KCNAB2: variants seen among roughly 807,000 people sequenced by gnomAD.
KCNAB2 encodes the protein voltage-gated potassium channel subunit beta-2.
Under a neutral mutation model 63.6 loss-of-function variants are expected in KCNAB2, and 29 were observed. That is an observed-to-expected ratio of 0.46 (90% CI 0.34 to 0.62). The LOEUF (loss-of-function observed/expected upper bound fraction) is 0.62, where lower values mean the gene tolerates loss of function less well. Ranked by LOEUF, KCNAB2 falls within the 20% of genes least tolerant of loss-of-function variation. The pLI is 0.01. For missense variants in KCNAB2, 359 were observed against 563.9 expected, an observed-to-expected ratio of 0.64 and a Z score of 3.68; for synonymous variants, 222 against 224.2, an observed-to-expected ratio of 0.99 and a Z score of 0.09.
In KCNAB2 at chr1:6,099,965, C is replaced by T; in HGVS notation, c.*1391C>T. The T allele has an allele frequency of 6.5e-7, 1 of 1,549,868 alleles. No individual in the cohort carries two copies. The highest frequency in any genetic ancestry group is 1.2e-5 in the South Asian group (1 of 84,016). On this transcript the variant is annotated 3_prime_UTR_variant, in exon 16 of 16. Transcript: ENST00000378083. ...TGTCCCAAGCAGTACCCAGGCTTTG[C>T]AGACCACGCGGGGCAGGGCTCCACT...
rs563117758 is a variant in KCNAB2, at chr1:6,051,649, G to A, written c.113G>A (p.Arg38Gln). 87 of 1,534,212 alleles carry A rather than the reference G, an allele frequency of 5.7e-5. No individual in the cohort carries two copies. In the African/African-American group the frequency reaches 8.5e-4, roughly 15 times the overall value. The change falls in exon 2 of 16, where the codon CGG becomes CAG. Residue 38 changes from arginine to glutamine, a missense_variant. Physicochemically the swap from Arg to Gln is conservative, Grantham distance 43 (BLOSUM62 1). Coordinates refer to ENST00000378083, the MANE Select transcript of KCNAB2 (RefSeq NM_001199862.2). The part of the protein sequence containing the change: ...QTDTLELQRL[R>Q]EVRAAAQARN... ...GACACGCTGGAACTGCAGCGGCTGC[G>A]GGAGGTGCGGGCGGCTGCCCAGGCC... is the stretch of plus-strand genomic sequence containing the variant.
At chr1:6,025,491 C>A (rs999950941) in intron 1 of KCNAB2, among the ~76,000 whole-genome samples, 2 of 152,130 alleles carry the variant, frequency 1.3e-5, no homozygotes, top group African/African-American at 4.8e-5. Context: ...GAATGAGGGG[C>A]CTCCCCAAGA....
rs1219575105 is a variant in KCNAB2, at chr1:6,003,664, G to A, written c.-53+10876G>A. Among the ~76,000 whole-genome samples, 1 of 152,158 alleles carries A rather than the reference G, an allele frequency of 6.6e-6. No individual in the cohort carries two copies. The highest frequency in any genetic ancestry group is 2.4e-5 in the African/African-American group (1 of 41,434). ...TAAAGTCACAGAGGTAGGATTCCTG[G>A]ACCCCAAGCTCTGGACCTCTACTAC... On this transcript the variant is annotated intron_variant, in intron 1 of 16. Transcript: ENST00000341524. The surrounding 1 kb of genome is among the most constrained non-coding windows in gnomAD (Gnocchi z 4.1).
chr1:6,090,207 C>T (rs1377383429), intron 8 of KCNAB2, among the ~76,000 whole-genome samples, 182 bp from the exon 9 acceptor site: 1 of 152,168 alleles, frequency 6.6e-6, no homozygotes, highest in Non-Finnish European at 1.5e-5. Flanking sequence ...TCCCCCCACT[C>T]CCTGTGGGAT....
intron 15 of KCNAB2, 92 bp downstream of exon 15, chr1:6,097,449 C>T: frequency 1.3e-6 from 2 of 1,542,008 alleles, no homozygotes; most frequent in East Asian, 2.4e-5. Context: ...GTGCCAGGCT[C>T]TGTTCTAGGC....
At chr1:6,077,653 G>A (rs1280337881) in intron 4 of KCNAB2, among the ~76,000 whole-genome samples, 1 of 152,226 alleles carries the variant, frequency 6.6e-6, no homozygotes, top group African/African-American at 2.4e-5. Context: ...GTGCTCCGGA[G>A]CGGAGAGCGC....
chr1:6,088,890 C>A, intron 7 of KCNAB2, 118 bp from the exon 8 acceptor site: 1 of 955,840 alleles, frequency 1.0e-6, no homozygotes, highest in Non-Finnish European at 1.6e-6. Context: ...GAATCCGACT[C>A]CACACGGCAT....
chr1:6,060,043 T>G (rs1354894668), intron 2 of KCNAB2, among the ~76,000 whole-genome samples: 6 of 152,168 alleles, frequency 3.9e-5, no homozygotes, highest in African/African-American at 1.4e-4. Context: ...CCACTGTCCC[T>G]CCGTGTCAAG....
chr1:6,091,475 A>G (rs1262662553), intron 10 of KCNAB2, among the ~76,000 whole-genome samples, 168 bp downstream of exon 10: 3 of 152,176 alleles, frequency 2.0e-5, no homozygotes, highest in African/African-American at 7.2e-5. Flanking sequence ...AAGGAAAAGC[A>G]AAGTGGTGTT....
chr1:6,013,458 C>A (rs1280672070), intron 1 of KCNAB2, among the ~76,000 whole-genome samples: 1 of 152,156 alleles, frequency 6.6e-6, no homozygotes, highest in African/African-American at 2.4e-5. Flanking sequence ...GAAACAACCA[C>A]GCAATCCAGG....
intron 1 of KCNAB2, among the ~76,000 whole-genome samples, chr1:6,037,943 C>T (rs1322395999): frequency 1.3e-4 from 19 of 140,996 alleles, no homozygotes; most frequent in Non-Finnish European, 1.8e-4. Context: ...GGCGCGAACT[C>T]GGCTCACTGC....
chr1:6,067,068 T>C (rs1662817448), intron 2 of KCNAB2, among the ~76,000 whole-genome samples: 1 of 152,162 alleles, frequency 6.6e-6, no homozygotes, highest in South Asian at 2.1e-4. Context: ...CCCAGCTTTG[T>C]ACAAAGGGTC....
chr1:6,040,242 CACGACAT>C (rs1302588090), intron 1 of KCNAB2, among the ~76,000 whole-genome samples: 1 of 152,210 alleles, frequency 6.6e-6, no homozygotes, highest in Non-Finnish European at 1.5e-5. Context: ...GAAGGACCTC[CACGACAT>C]ATAAGGTGGG....
At chr1:6,052,942 A>G (rs1225689536) in intron 2 of KCNAB2, among the ~76,000 whole-genome samples, 1 of 152,174 alleles carries the variant, frequency 6.6e-6, no homozygotes, top group Non-Finnish European at 1.5e-5. Flanking sequence ...TCCGTCTGAG[A>G]CAGACCCTAG....
At chr1:6,084,974 G>T (rs1664567845) in intron 5 of KCNAB2, among the ~76,000 whole-genome samples, 1 of 152,188 alleles carries the variant, frequency 6.6e-6, no homozygotes, top group Non-Finnish European at 1.5e-5. Flanking sequence ...GTGTCTGCAG[G>T]GGAACATGCC....
At chr1:6,098,190 C>G (rs1665809415) in intron 15 of KCNAB2, 1 of 1,135,938 alleles carries the variant, frequency 8.8e-7, no homozygotes, top group Non-Finnish European at 1.1e-6. Flanking sequence ...GGAAGTCCAG[C>G]ATTTGGCCTG....
chr1:6,051,604 T>C lies in KCNAB2; in HGVS notation c.68T>C (p.Leu23Pro). The C allele has an allele frequency of 2.6e-6, 4 of 1,534,948 alleles. No homozygotes were observed. Among genetic ancestry groups the C allele is most frequent in the Non-Finnish European group, 2.6e-6 (3 of 1,146,662 alleles). Reference protein sequence around the residue: ...VSSRCHSEWALHPVRQTDTLE... With the variant: ...VSSRCHSEWAPHPVRQTDTLE... ...AGCAGGTGCCACTCTGAATGGGCCC[T>C]GCACCCCGTCCGCCAGACGGACACG... Residue 23 changes from leucine to proline, a missense_variant, in exon 2 of 16, where the codon CTG becomes CCG. This residue lies in a region of KCNAB2 where 88 missense variants were observed against 87.8 expected (regional missense o/e 1.00). Coordinates refer to ENST00000378083, the MANE Select transcript of KCNAB2 (RefSeq NM_001199862.2).
chr1:6,086,529 G>A lies in KCNAB2; in HGVS notation c.426-938G>A, dbSNP rs148384556. Among the ~76,000 whole-genome samples, 3,069 of 152,170 alleles carry A rather than the reference G, an allele frequency of 0.02. 107 individuals carry two copies. Among genetic ancestry groups the A allele is most frequent in the African/African-American group, 0.07 (2,917 of 41,502 alleles). The stretch of plus-strand genomic sequence containing the variant: ...CGTGAGCTGCTTCCCTGAGCAGCCC[G>A]GGACCCGGGTGGGAAAGAAGCTCAG... On this transcript the variant is annotated intron_variant, in intron 6 of 15. Coordinates refer to ENST00000378083, the MANE Select transcript of KCNAB2 (RefSeq NM_001199862.2). This position sits in a 1 kb window ranked among gnomAD's most constrained non-coding sequence, Gnocchi z 4.2.
chr1:6,096,542 T>C lies in KCNAB2; in HGVS notation c.949-94T>C. On this transcript the variant is annotated intron_variant, in intron 13 of 15. Transcript: ENST00000378083. The surrounding 1 kb of genome is among the most constrained non-coding windows in gnomAD (Gnocchi z 5.9). ...GAAGAGCCCCTATGAGGGAGAAGGGTCCAGAAGGAATGAGCCCATCGGCCC... is the reference window on the plus strand; with the variant it reads ...GAAGAGCCCCTATGAGGGAGAAGGGCCCAGAAGGAATGAGCCCATCGGCCC... 4 of 1,460,050 alleles carry C rather than the reference T, an allele frequency of 2.7e-6. No homozygotes were observed. Among genetic ancestry groups the C allele is most frequent in the Non-Finnish European group, 3.7e-6 (4 of 1,087,606 alleles). 90.4% of individuals were successfully genotyped at this position (1,460,050 alleles called of 1,614,324 possible).
Sources: gnomAD v4.1 joint callset for allele counts (sites outside exome capture counted in the v4.1 genomes callset) on GRCh38, gnomAD v4.1.1 for gene constraint, gnomAD v4.1.1 regional missense constraint, Gnocchi (gnomAD v3.1) non-coding constraint, MANE v1.5 for transcripts, NCBI Gene and HGNC (gene_info 2026-07-23, HGNC 2026-07-21) for gene names.